Variants in WDFY3 observed in about 807,000 individuals in gnomAD.
WDFY3 encodes the protein WD repeat and FYVE domain-containing protein 3.
A neutral mutation model predicts 409.6 loss-of-function variants in WDFY3; 66 were observed. The observed-to-expected ratio is 0.16, with a 90% CI of 0.13 to 0.20. The LOEUF is 0.20. Ranked by LOEUF, WDFY3 falls within the 10% of genes least tolerant of loss-of-function variation. The probability of loss-of-function intolerance (pLI) is 1.00; values close to 1 mark genes in which losing one functional copy is unlikely to be tolerated. For synonymous variants in WDFY3, 1,521 were observed against 1,537.1 expected (o/e 0.99, Z 0.25); for missense variants, 3,031 against 4,298.1 (o/e 0.71, Z 8.24).
chr4:84,848,442 T>C (rs1424517803), intron 5 of WDFY3, among the ~76,000 whole-genome samples: 5 of 152,144 alleles, frequency 3.3e-5, no homozygotes, highest in Non-Finnish European at 7.4e-5. Context: ...CAGCAAGATT[T>C]TCCAAAATGA....
At chr4:84,937,628 A>AACAT (rs1771592860) in intron 1 of WDFY3, among the ~76,000 whole-genome samples, 1 of 152,148 alleles carries the variant, frequency 6.6e-6, no homozygotes, top group African/African-American at 2.4e-5. Flanking sequence ...CAGACAACCT[A>AACAT]ACATAAATCA....
At chr4:84,938,844 G>T (rs7673892) in intron 1 of WDFY3, among the ~76,000 whole-genome samples, 1,918 of 152,086 alleles carry the variant, frequency 0.013, 53 homozygotes, top group African/African-American at 0.043. Flanking sequence ...GAGCAAATGA[G>T]AATAAACTAT....
At chr4:84,720,883 G>A (rs937322923) in intron 47 of WDFY3, among the ~76,000 whole-genome samples, 4 of 152,170 alleles carry the variant, frequency 2.6e-5, no homozygotes, top group Admixed American at 1.3e-4. Flanking sequence ...CAGGCTGCAG[G>A]GGCTCAGGCT....
Position 84,721,403 on chromosome 4 carries a change from C to T in WDFY3, c.7605+6G>A, listed in dbSNP as rs1162075015. 2 of 1,613,212 alleles carry T rather than the reference C, an allele frequency of 1.2e-6. No individual in the cohort carries two copies. Among genetic ancestry groups the T allele is most frequent in the Non-Finnish European group, 1.7e-6 (2 of 1,179,954 alleles). On this transcript the variant is annotated splice_donor_region_variant and intron_variant, in intron 47 of 67. Transcript: ENST00000295888. ...TTACAATCCTTACTTTTCAGAAGCA[C>T]AATACCTTTTCTCCTTCCTCTAACA...
rs988056679 is a variant in WDFY3, at chr4:84,850,190, CAT to C, written c.181-167_181-166del. Among the ~76,000 whole-genome samples the C allele has an allele frequency of 1.8e-4, 27 of 152,314 alleles. 1 individual carries two copies. The highest frequency in any genetic ancestry group is 6.2e-4 in the South Asian group (3 of 4,826). On this transcript the variant is annotated intron_variant, in intron 4 of 67. Coordinates refer to ENST00000295888, the MANE Select transcript of WDFY3 (RefSeq NM_014991.6). ...AAAATACAACGCTTTCAATAAATCACATGTCTAGCCACATTTCCTTTTACATA... is the reference window on the plus strand; with the variant it reads ...AAAATACAACGCTTTCAATAAATCACGTCTAGCCACATTTCCTTTTACATA...
chr4:84,894,972 C>CT (rs909975348), intron 3 of WDFY3, among the ~76,000 whole-genome samples: 1 of 144,784 alleles, frequency 6.9e-6, no homozygotes, highest in Non-Finnish European at 1.5e-5. Flanking sequence ...AAAAAGTCAG[C>CT]TTTTTCAAAT....
chr4:84,831,720 C>A, intron 7 of WDFY3, 115 bp from the exon 8 acceptor site: 2 of 869,510 alleles, frequency 2.3e-6, no homozygotes, highest in Non-Finnish European at 3.4e-6. Flanking sequence ...TAGAAATGGC[C>A]AACAGGTATA....
At chr4:84,861,984 A>T (rs1760710355) in intron 3 of WDFY3, among the ~76,000 whole-genome samples, 1 of 152,240 alleles carries the variant, frequency 6.6e-6, no homozygotes, top group Non-Finnish European at 1.5e-5. Context: ...AGCAGGCAAC[A>T]CCTGAGATTA....
intron 3 of WDFY3, among the ~76,000 whole-genome samples, chr4:84,866,001 A>T (rs1761338559): frequency 6.6e-6 from 1 of 152,082 alleles, no homozygotes; most frequent in Non-Finnish European, 1.5e-5. Context: ...GTCTGGGGAC[A>T]TAAAGGCTGC....
In WDFY3 at chr4:84,718,239, C is replaced by A. The variant is rs143302613; in HGVS notation, c.7754+183G>T. ...CTTTCATCTTGATAAATAAGCCAAACATTTTCATTATTACCTTAAAATAAC... is the reference window on the plus strand; with the variant it reads ...CTTTCATCTTGATAAATAAGCCAAAAATTTTCATTATTACCTTAAAATAAC... On this transcript the variant is annotated intron_variant, in intron 48 of 67. Coordinates refer to ENST00000295888, the MANE Select transcript of WDFY3 (RefSeq NM_014991.6). Among the ~76,000 whole-genome samples, 354 of 151,956 alleles carry A rather than the reference C, an allele frequency of 2.3e-3. 1 individual carries two copies. Among genetic ancestry groups the A allele is most frequent in the African/African-American group, 8.0e-3 (331 of 41,442 alleles).
chr4:84,820,170 A>G lies in WDFY3; in HGVS notation c.1608T>C (p.Asn536=), dbSNP rs1229404117. The G allele has an allele frequency of 6.2e-7, 1 of 1,609,020 alleles. No homozygotes were observed. The highest frequency in any genetic ancestry group is 1.3e-5 in the African/African-American group (1 of 74,792). The part of the protein sequence containing the change: ...ALNEQGDSRN[N]SSVEDQKHLA... ...GGTGTTTTTGGTCTTCAACTGAACT[A>G]TTATTTCTTGAGTCCCCTAAAAAAA... The change falls in exon 12 of 68, where the codon AAT becomes AAC. Residue 536 remains asparagine (N), a synonymous_variant. Coordinates refer to ENST00000295888, the MANE Select transcript of WDFY3 (RefSeq NM_014991.6).
chr4:84,933,032 C>G (rs1394171639), intron 1 of WDFY3, among the ~76,000 whole-genome samples: 1 of 152,084 alleles, frequency 6.6e-6, no homozygotes, highest in Non-Finnish European at 1.5e-5. Context: ...ATAGTGTAGT[C>G]AAACACATTT....
chr4:84,752,503 C>T lies in WDFY3; in HGVS notation c.5740-787G>A, dbSNP rs886668236. On this transcript the variant is annotated intron_variant, in intron 35 of 67. Transcript: ENST00000295888. ...GATCGTGCCACCATTGCACTCCAGC[C>T]GGGATGACAAGAGCGAAACCCCGTC... Among the ~76,000 whole-genome samples the T allele has an allele frequency of 6.1e-5, 9 of 146,458 alleles. 1 individual carries two copies. Among genetic ancestry groups the T allele is most frequent in the South Asian group, 2.2e-4 (1 of 4,602 alleles).
At chr4:84,727,456 C>T (rs528905295) in intron 44 of WDFY3, among the ~76,000 whole-genome samples, 2 of 152,150 alleles carry the variant, frequency 1.3e-5, no homozygotes, top group African/African-American at 4.8e-5. Context: ...TCCTTCACTA[C>T]CTTTACCATC....
At chr4:84,713,046 T>A (rs1560578728) in intron 51 of WDFY3, 113 bp downstream of exon 51, 9 of 1,132,718 alleles carry the variant, frequency 7.9e-6, no homozygotes, top group Non-Finnish European at 1.2e-5. Flanking sequence ...TTTAAAAAAA[T>A]TTGCAACCAC....
chr4:84,900,504 C>T (rs1276008546), intron 2 of WDFY3, among the ~76,000 whole-genome samples: 1 of 152,190 alleles, frequency 6.6e-6, no homozygotes, highest in East Asian at 1.9e-4. Flanking sequence ...TGAGCCACTG[C>T]ATCCAGATTG....
chr4:84,692,859 CAA>C lies in WDFY3; in HGVS notation c.9049+24_9049+25del, dbSNP rs768245243. 8.3e-5 allele frequency: 130 copies of C among 1,569,682 alleles called. No homozygotes were observed. The African/African-American group carries it at 1.7e-3, about 20-fold the overall frequency. ...TTAACAATCCCATTAAATCATTAAT[CAA>C]AAGTTTATTTCTCATTATTTTACCT... On this transcript the variant is annotated intron_variant, in intron 59 of 67. Coordinates refer to ENST00000295888, the MANE Select transcript of WDFY3 (RefSeq NM_014991.6).
chr4:84,826,700 A>T (rs1754916916), intron 10 of WDFY3, 115 bp downstream of exon 10: 3 of 1,050,122 alleles, frequency 2.9e-6, no homozygotes, highest in South Asian at 3.8e-5. Flanking sequence ...GCTTTAAGGG[A>T]AACTATATTA....
intron 4 of WDFY3, among the ~76,000 whole-genome samples, chr4:84,850,909 T>C (rs1475771267): frequency 6.7e-6 from 1 of 148,542 alleles, no homozygotes; most frequent in Non-Finnish European, 1.5e-5. Flanking sequence ...ATAATTCTTA[T>C]TTTTAATTTT....
Sources: gnomAD v4.1 joint callset for allele counts (sites outside exome capture counted in the v4.1 genomes callset) on GRCh38, gnomAD v4.1.1 for gene constraint, MANE v1.5 for transcripts, NCBI Gene and HGNC (gene_info 2026-07-23, HGNC 2026-07-21) for gene names.